Variants in PCIF1 observed in about 807,000 individuals in gnomAD.
PCIF1 encodes phosphorylated CTD interacting factor 1, also known as mRNA (2'-O-methyladenosine-N(6)-)-methyltransferase.
Under a neutral mutation model 86.9 loss-of-function variants are expected in PCIF1, and 12 were observed. The observed-to-expected ratio is 0.14, with a 90% CI of 0.09 to 0.22. PCIF1 has a LOEUF of 0.22. Among genes scored for constraint, PCIF1 ranks in the 10% least tolerant of loss-of-function variants. The pLI, the probability that PCIF1 is intolerant of heterozygous loss-of-function variation, is 1.00. For synonymous variants in PCIF1, 397 were observed against 372.0 expected (o/e 1.07, Z -0.77); for missense variants, 701 against 951.1 (o/e 0.74, Z 3.46).
intron 11 of PCIF1, 126 bp from the exon 12 acceptor site, chr20:45,945,585 G>A: frequency 5.0e-6 from 6 of 1,189,964 alleles, no homozygotes; most frequent in Middle Eastern, 2.9e-4. Context: ...CCTTTCTACT[G>A]AACTGGGCCA....
rs754461573 is a variant in PCIF1, at chr20:45,943,662, G to A, written c.906-4G>A. The A allele has an allele frequency of 2.6e-6, 4 of 1,556,852 alleles. No homozygotes were observed. Among genetic ancestry groups the A allele is most frequent in the Non-Finnish European group, 3.5e-6 (4 of 1,149,390 alleles). On this transcript the variant is annotated splice_polypyrimidine_tract_variant and splice_region_variant and intron_variant, in intron 9 of 16. Coordinates refer to ENST00000372409, the MANE Select transcript of PCIF1 (RefSeq NM_022104.4). This position sits in a 1 kb window ranked among gnomAD's most constrained non-coding sequence, Gnocchi z 5.5. ...CTTTCTTCTGCCCTCCCCTTGACTG[G>A]CAGGAGTGCATCCCCTGACAGTAGG...
intron 1 of PCIF1, among the ~76,000 whole-genome samples, chr20:45,935,886 C>CA (rs1395758533): frequency 1.3e-5 from 2 of 151,692 alleles, no homozygotes; most frequent in African/African-American, 4.8e-5. Context: ...GGAAATACTG[C>CA]AGTGTCCCCA....
At chr20:45,941,960 CTT>C (rs74176836) in intron 7 of PCIF1, among the ~76,000 whole-genome samples, 8 of 136,622 alleles carry the variant, frequency 5.9e-5, no homozygotes, top group East Asian at 2.1e-4. Context: ...GGCCTTTCAC[CTT>C]TTTTTTTTTT....
intron 5 of PCIF1, 73 bp downstream of exon 5, chr20:45,940,685 G>A (rs1036930015): frequency 2.2e-5 from 35 of 1,576,034 alleles, no homozygotes; most frequent in Non-Finnish European, 3.0e-5. Flanking sequence ...TCCCTGCAGG[G>A]GCTGGGCATT....
chr20:45,944,781 G>A (rs891463130), intron 10 of PCIF1, 87 bp from the exon 11 acceptor site: 3 of 1,437,714 alleles, frequency 2.1e-6, no homozygotes, highest in South Asian at 2.7e-5. Flanking sequence ...AAGGACTGCT[G>A]GACTCCAACA....
intron 1 of PCIF1, among the ~76,000 whole-genome samples, chr20:45,936,935 C>T (rs148543147): frequency 1.4e-4 from 22 of 152,278 alleles, no homozygotes; most frequent in South Asian, 8.3e-4. Context: ...TCAAAGGAAA[C>T]CAAAACCAAC....
In PCIF1 at chr20:45,943,010, C is replaced by A; in HGVS notation, c.674-87C>A. 7.3e-7 allele frequency: 1 copy of A among 1,371,534 alleles called. No homozygotes were observed. The highest frequency in any genetic ancestry group is 1.4e-5 in the African/African-American group (1 of 69,290). The allele number at this position is 1,371,534 out of a possible 1,614,324, so 85.0% of individuals were successfully genotyped here. A position where few individuals can be genotyped will look rare whatever the true frequency, so the allele number is the denominator to read the frequency against. ...AAGTGGGACTGTGTCTTGCTTACTG[C>A]TGAATGCGATGCTTCCTATACGTGC... On this transcript the variant is annotated intron_variant, in intron 7 of 16. Coordinates refer to ENST00000372409, the MANE Select transcript of PCIF1 (RefSeq NM_022104.4). The surrounding 1 kb of genome is among the most constrained non-coding windows in gnomAD (Gnocchi z 5.5).
chr20:45,944,729 C>T, intron 10 of PCIF1, 139 bp from the exon 11 acceptor site: 1 of 877,134 alleles, frequency 1.1e-6, no homozygotes, highest in Admixed American at 2.9e-5. Flanking sequence ...GGGGATTTGT[C>T]CAAGTGACAC....
In PCIF1 at chr20:45,945,042, G is replaced by A; in HGVS notation, c.1168+12G>A. 1 of 1,595,986 alleles carries A rather than the reference G, an allele frequency of 6.3e-7. No individual in the cohort carries two copies. Among genetic ancestry groups the A allele is most frequent in the Non-Finnish European group, 8.5e-7 (1 of 1,171,224 alleles). On this transcript the variant is annotated intron_variant, in intron 11 of 16. Transcript: ENST00000372409. ...AAACAACATCTCAGGTAGGGGAAAG[G>A]TGAAGGAGGAGCCAGCTGTGATGCC...
intron 4 of PCIF1, among the ~76,000 whole-genome samples, chr20:45,939,566 C>T (rs1218007081): frequency 6.6e-6 from 1 of 152,216 alleles, no homozygotes; most frequent in Admixed American, 6.5e-5. Flanking sequence ...GGGTGCTGTG[C>T]CGCGAGGCAG....
chr20:45,944,536 C>T (rs754987808), intron 10 of PCIF1, among the ~76,000 whole-genome samples: 3 of 152,190 alleles, frequency 2.0e-5, no homozygotes, highest in South Asian at 2.1e-4. Flanking sequence ...TCTGTTTCTC[C>T]GGTAATTATC....
intron 7 of PCIF1, 126 bp from the exon 8 acceptor site, chr20:45,942,971 C>G (rs2083488354): frequency 9.0e-6 from 9 of 995,780 alleles, no homozygotes; most frequent in Non-Finnish European, 1.3e-5. Context: ...GGAAATGCAG[C>G]CTAGAAGCTT....
At chr20:45,940,659 C>CG (rs745448588) in intron 5 of PCIF1, 47 bp downstream of exon 5, 1 of 1,579,340 alleles carries the variant, frequency 6.3e-7, no homozygotes. Context: ...CCGGCTCAGA[C>CG]GGGCCGCCTG....
chr20:45,935,952 C>T (rs562359518), intron 1 of PCIF1, among the ~76,000 whole-genome samples: 1 of 152,202 alleles, frequency 6.6e-6, no homozygotes, highest in African/African-American at 2.4e-5. Context: ...TTCATCTACC[C>T]GGTGCATCAA....
rs1171990644 is a variant in PCIF1 at position 45,946,353 on chromosome 20, C to T, written c.1582C>T (p.Pro528Ser). 1.2e-6 allele frequency: 2 copies of T among 1,613,904 alleles called. No individual in the cohort carries two copies. The highest frequency in any genetic ancestry group is 1.3e-5 in the African/African-American group (1 of 75,074). ...CTTCCGCCAGTACTGTTCTGCCTTC[C>T]CCGACACAGACGGCTACTTTGGCTC... Reference protein sequence around the residue: ...CYFRQYCSAFPDTDGYFGSRG... With the variant: ...CYFRQYCSAFSDTDGYFGSRG... The change falls in exon 14 of 17, where the codon CCC (proline) becomes TCC (serine). Residue 528 changes from proline (P) to serine (S), a missense_variant. Around this residue, in one of 7 missense-constraint regions of PCIF1, gnomAD observed 61 missense variants for 118.5 expected, o/e 0.51. Transcript: ENST00000372409.
At position 45,943,795 on chromosome 20, in the gene PCIF1, T is replaced by C; in HGVS notation, c.1005+30T>C. The C allele has an allele frequency of 2.0e-6, 3 of 1,529,058 alleles. No homozygotes were observed. The highest frequency in any genetic ancestry group is 2.4e-5 in the South Asian group (2 of 83,590). The allele number at this position is 1,529,058 out of a possible 1,614,324, so 94.7% of individuals were successfully genotyped here. A position where few individuals can be genotyped will look rare whatever the true frequency, so the allele number is the denominator to read the frequency against. On this transcript the variant is annotated intron_variant, in intron 10 of 16. Transcript: ENST00000372409. This position sits in a 1 kb window ranked among gnomAD's most constrained non-coding sequence, Gnocchi z 5.5. ...GTGGGTCCCCGGGTGAGAAGGCCAG[T>C]TTTAGGGCTCTGTGGCCACTTCCTC...
Position 45,947,636 on chromosome 20 carries a change from G to A in PCIF1, c.1996G>A (p.Ala666Thr). The change falls in exon 17 of 17, where the codon GCC (alanine) becomes ACC (threonine). Residue 666 changes from alanine (A) to threonine (T), a missense_variant. Ala to Thr is a moderately conservative substitution (Grantham distance 58). Coordinates refer to ENST00000372409, the MANE Select transcript of PCIF1 (RefSeq NM_022104.4). This position sits in a 1 kb window ranked among gnomAD's most constrained non-coding sequence, Gnocchi z 5.4. ...TPERLQELSA[A>T]YRQSGRSHSS... ...TGAACGGCTGCAGGAGCTGAGTGCT[G>A]CCTACCGGCAGTCAGGCCGCAGCCA... 1 of 1,612,548 alleles carries A rather than the reference G, an allele frequency of 6.2e-7. No homozygotes were observed.
Position 45,945,756 on chromosome 20 carries a change from A to C in PCIF1, c.1214A>C (p.Tyr405Ser). Residue 405 changes from tyrosine to serine, a missense_variant, in exon 12 of 17, where the codon TAC (tyrosine) becomes TCC (serine). Physicochemically the swap from Tyr to Ser is moderately radical, Grantham distance 144. This residue lies in a region of PCIF1 where 121 missense variants were observed against 131.7 expected (regional missense o/e 0.92). Transcript: ENST00000372409. ...PEVEPRLVYCYPVRLAVSAPP... is the reference protein window; with the variant it reads ...PEVEPRLVYCSPVRLAVSAPP... ...GTGGAGCCCCGCCTAGTGTACTGCT[A>C]CCCAGTCCGGCTGGCTGTGTCTGCA... 6.2e-7 allele frequency: 1 copy of C among 1,613,864 alleles called. No individual in the cohort carries two copies. The highest frequency in any genetic ancestry group is 8.5e-7 in the Non-Finnish European group (1 of 1,180,016).
chr20:45,943,465 A>C lies in PCIF1; in HGVS notation c.905+42A>C, dbSNP rs994358405. The C allele has an allele frequency of 2.5e-6, 4 of 1,580,786 alleles. No homozygotes were observed. In the African/African-American group the frequency reaches 5.4e-5, roughly 21 times the overall value. Reference sequence around the variant, plus strand: ...CCCCAGGCGAGATGGGTCTGTGATTAAAGTGGCAGGTCATAGGCCATCTTG... The same window carrying C: ...CCCCAGGCGAGATGGGTCTGTGATTCAAGTGGCAGGTCATAGGCCATCTTG... On this transcript the variant is annotated intron_variant, in intron 9 of 16. Coordinates refer to ENST00000372409, the MANE Select transcript of PCIF1 (RefSeq NM_022104.4). This position sits in a 1 kb window ranked among gnomAD's most constrained non-coding sequence, Gnocchi z 5.5.
Sources: gnomAD v4.1 joint callset for allele counts (sites outside exome capture counted in the v4.1 genomes callset) on GRCh38, gnomAD v4.1.1 for gene constraint, gnomAD v4.1.1 regional missense constraint, Gnocchi (gnomAD v3.1) non-coding constraint, MANE v1.5 for transcripts, NCBI Gene and HGNC (gene_info 2026-07-23, HGNC 2026-07-21) for gene names.